Variants in PXYLP1 observed in about 807,000 individuals in gnomAD.
PXYLP1 encodes 2-phosphoxylose phosphatase 1.
In PXYLP1, 17 loss-of-function variants were observed where a neutral mutation model predicts 37.9. The observed-to-expected ratio is 0.45, with a 90% CI of 0.31 to 0.67. The LOEUF is 0.67. Among genes scored for constraint, PXYLP1 ranks in the 30% least tolerant of loss-of-function variants. PXYLP1 has a pLI of 0.07. For missense variants in PXYLP1, 511 were observed against 612.0 expected, an observed-to-expected ratio of 0.84 and a Z score of 1.74; for synonymous variants, 221 against 232.2, an observed-to-expected ratio of 0.95 and a Z score of 0.44.
chr3:141,294,271 A>G lies in PXYLP1; in HGVS notation c.*1066A>G, dbSNP rs959932242. On this transcript the variant is annotated 3_prime_UTR_variant, in exon 6 of 6. Coordinates refer to ENST00000286353, the MANE Select transcript of PXYLP1 (RefSeq NM_001037172.3). ...TTGGTGGTTAGAAGGAGGCTAGAAG[A>G]TGAATTCAGGCACTTTCTTCCAATA... 2.0e-5 allele frequency: 3 copies of G among 152,222 alleles called. No individual in the cohort carries two copies. The highest frequency in any genetic ancestry group is 7.2e-5 in the African/African-American group (3 of 41,448). The allele number at this position is 152,222 out of a possible 1,614,324, so 9.4% of individuals were successfully genotyped here.
Position 141,292,828 on chromosome 3 carries a change from ACCAT to A in PXYLP1, c.1068_1071del (p.Ile357AlafsTer46). ...GGGTGCCCACCCCATCCTGAACCAA[ACCAT>A]CGGCCGGATGCAGCGTGCCACCGAG... On this transcript the variant is annotated frameshift_variant, in exon 6 of 6. Coordinates refer to ENST00000286353, the MANE Select transcript of PXYLP1 (RefSeq NM_001037172.3). LOFTEE classifies it high-confidence loss of function. The surrounding 1 kb of genome is among the most constrained non-coding windows in gnomAD (Gnocchi z 4.3). The A allele has an allele frequency of 6.2e-7, 1 of 1,613,862 alleles. No individual in the cohort carries two copies. Among genetic ancestry groups the A allele is most frequent in the Non-Finnish European group, 8.5e-7 (1 of 1,179,928 alleles).
intron 5 of PXYLP1, among the ~76,000 whole-genome samples, chr3:141,288,651 T>G (rs1449935795): frequency 6.6e-6 from 1 of 152,150 alleles, no homozygotes; most frequent in African/African-American, 2.4e-5. Context: ...CCCAGCACTT[T>G]GGGAGGCTGA....
rs371605341 is a variant in PXYLP1, at chr3:141,260,281, G to A, written c.79+27G>A. The A allele has an allele frequency of 2.2e-4, 359 of 1,609,536 alleles. 2 individuals are homozygous for A. Among genetic ancestry groups the A allele is most frequent in the African/African-American group, 1.5e-3 (110 of 75,004 alleles). ...TGAGTAGAGCCGGGCCCCGCAGGTCGTGGGAGGGTAGGGGCTTCATAGGAA... is the reference window on the plus strand; with the variant it reads ...TGAGTAGAGCCGGGCCCCGCAGGTCATGGGAGGGTAGGGGCTTCATAGGAA... On this transcript the variant is annotated intron_variant, in intron 2 of 5. Transcript: ENST00000286353.
chr3:141,282,249 A>G (rs1941972218), intron 4 of PXYLP1, among the ~76,000 whole-genome samples: 2 of 152,190 alleles, frequency 1.3e-5, no homozygotes, highest in Non-Finnish European at 2.9e-5. Flanking sequence ...ATGCTGCCTC[A>G]GGGCCTTTGC....
chr3:141,264,552 G>A (rs868526633), intron 2 of PXYLP1, among the ~76,000 whole-genome samples: 70 of 152,138 alleles, frequency 4.6e-4, no homozygotes, highest in African/African-American at 1.4e-3. Flanking sequence ...GTTAGGCCCC[G>A]GGCTGAGAGT....
In PXYLP1 at chr3:141,273,298, G is replaced by A. The variant is rs576496300; in HGVS notation, c.80-5044G>A. On this transcript the variant is annotated intron_variant, in intron 2 of 5. Coordinates refer to ENST00000286353, the MANE Select transcript of PXYLP1 (RefSeq NM_001037172.3). ...CCGAGCTTAGTGGGTGAGCAGGTCC[G>A]GGCTTACAGGCTTCAGGACCTTAGG... is the stretch of plus-strand genomic sequence containing the variant. The A allele has an allele frequency of 6.5e-5, 64 of 985,372 alleles. No homozygotes were observed. In the Middle Eastern group the frequency reaches 2.6e-3, roughly 40 times the overall value. The allele number at this position is 985,372 out of a possible 1,614,324, so 61.0% of individuals were successfully genotyped here.
At chr3:141,247,318 G>T (rs1251395223) in intron 1 of PXYLP1, among the ~76,000 whole-genome samples, 1 of 152,248 alleles carries the variant, frequency 6.6e-6, no homozygotes, top group Non-Finnish European at 1.5e-5. Context: ...ACCACTAGAA[G>T]ACCAGAGATC....
At chr3:141,270,286 A>G (rs1193110441) in intron 2 of PXYLP1, among the ~76,000 whole-genome samples, 7 of 152,280 alleles carry the variant, frequency 4.6e-5, no homozygotes, top group African/African-American at 1.7e-4. Context: ...AATCTCATTT[A>G]TGTAAAACCA....
chr3:141,278,563 G>A, intron 3 of PXYLP1, 63 bp downstream of exon 3: 3 of 1,589,876 alleles, frequency 1.9e-6, no homozygotes, highest in Non-Finnish European at 2.6e-6. Context: ...CAGCAGCATT[G>A]CACAGCAGTA....
intron 1 of PXYLP1, among the ~76,000 whole-genome samples, chr3:141,256,021 C>T (rs1157550330): frequency 6.6e-6 from 1 of 152,126 alleles, no homozygotes; most frequent in Non-Finnish European, 1.5e-5. Context: ...TGGCTGCCTA[C>T]CCTGATGGAT....
intron 4 of PXYLP1, among the ~76,000 whole-genome samples, chr3:141,281,781 AGTG>A (rs1941962073): frequency 6.6e-6 from 1 of 152,130 alleles, no homozygotes. Flanking sequence ...CAACCCATGC[AGTG>A]TGAGGTGGTG....
intron 1 of PXYLP1, among the ~76,000 whole-genome samples, chr3:141,251,508 A>G (rs1941140547): frequency 6.6e-6 from 1 of 152,256 alleles, no homozygotes; most frequent in African/African-American, 2.4e-5. Flanking sequence ...CTGGATGGTC[A>G]TGTATCCAGC....
chr3:141,244,018 C>T (rs1003159723), intron 1 of PXYLP1, among the ~76,000 whole-genome samples: 3 of 152,078 alleles, frequency 2.0e-5, no homozygotes, highest in African/African-American at 7.3e-5. Context: ...ATAAGCCTGC[C>T]AGGATTCCTA....
At chr3:141,289,494 G>A (rs1352836943) in intron 5 of PXYLP1, among the ~76,000 whole-genome samples, 1 of 152,064 alleles carries the variant, frequency 6.6e-6, no homozygotes, top group Non-Finnish European at 1.5e-5. Flanking sequence ...TAGCACTCTT[G>A]CTGAGAACTG....
rs151143392 is a variant in PXYLP1 at position 141,241,946 on chromosome 3, C to T, written c.-54+10035C>T. Among the ~76,000 whole-genome samples the T allele has an allele frequency of 3.0e-3, 460 of 152,278 alleles. 1 individual carries two copies. Among genetic ancestry groups the T allele is most frequent in the South Asian group, 0.021 (102 of 4,822 alleles). On this transcript the variant is annotated intron_variant, in intron 1 of 5. Transcript: ENST00000286353. ...GTCTGATTCTTGACTGGTCCTTTGC[C>T]CGGGCATTACTCAGGCTATAAAAAT...
intron 2 of PXYLP1, among the ~76,000 whole-genome samples, chr3:141,276,214 C>T (rs1410472875): frequency 6.6e-6 from 1 of 152,230 alleles, no homozygotes; most frequent in East Asian, 1.9e-4. Context: ...AGTGCCTCCC[C>T]ATTGTTACGC....
At chr3:141,243,028 A>G (rs1477380719) in intron 1 of PXYLP1, among the ~76,000 whole-genome samples, 1 of 152,162 alleles carries the variant, frequency 6.6e-6, no homozygotes, top group East Asian at 1.9e-4. Flanking sequence ...ACCTTGCCCG[A>G]GCTGTTAGGT....
intron 2 of PXYLP1, chr3:141,267,327 T>G (rs570962722): frequency 6.6e-6 from 1 of 152,216 alleles, no homozygotes; most frequent in Non-Finnish European, 1.5e-5. Flanking sequence ...TCTAACGTAC[T>G]GCGTCCTCTA....
intron 2 of PXYLP1, among the ~76,000 whole-genome samples, chr3:141,263,046 T>A (rs567788555): frequency 6.6e-6 from 1 of 152,360 alleles, no homozygotes; most frequent in East Asian, 1.9e-4. Flanking sequence ...TCTGAAATGA[T>A]CGTATATCTT....
Sources: allele counts gnomAD v4.1 joint callset (sites outside exome capture counted in the v4.1 genomes callset), GRCh38; gene constraint gnomAD v4.1.1; non-coding constraint Gnocchi (gnomAD v3.1); transcripts MANE v1.5; gene names NCBI Gene and HGNC (gene_info 2026-07-23, HGNC 2026-07-21).